The following MARCHF1 variants were observed in gnomAD, a reference collection of about 807,000 sequenced individuals.
MARCHF1 encodes membrane associated ring-CH-type finger 1, also known as E3 ubiquitin-protein ligase MARCHF1.
In MARCHF1, 40 loss-of-function variants were observed where a neutral mutation model predicts 54.2. The ratio of observed to expected loss-of-function variants is 0.74; its 90% CI spans 0.57 to 0.96. The LOEUF (loss-of-function observed/expected upper bound fraction) is 0.96, where lower values mean the gene tolerates loss of function less well. MARCHF1 is among the 40% of genes least tolerant of loss of function. The probability of loss-of-function intolerance (pLI) is 0.00; values close to 1 mark genes in which losing one functional copy is unlikely to be tolerated. For synonymous variants in MARCHF1, 236 were observed against 236.3 expected, an observed-to-expected ratio of 1.00 and a Z score of 0.01; for missense variants, 586 against 656.5, an observed-to-expected ratio of 0.89 and a Z score of 1.17.
At chr4:163,833,418 G>A (rs2111104567) in intron 4 of MARCHF1, among the ~76,000 whole-genome samples, 2 of 152,202 alleles carry the variant, frequency 1.3e-5, no homozygotes, top group Non-Finnish European at 2.9e-5. Context: ...ACCACCATCA[G>A]AGTGAACAGG....
intron 1 of MARCHF1, among the ~76,000 whole-genome samples, chr4:164,257,134 A>G (rs2111260340): frequency 6.6e-6 from 1 of 152,312 alleles, no homozygotes; most frequent in South Asian, 2.1e-4. Flanking sequence ...AATTGGAAAC[A>G]TTAAAATTGA....
chr4:163,892,341 A>T (rs945222767), intron 3 of MARCHF1, among the ~76,000 whole-genome samples: 2 of 152,096 alleles, frequency 1.3e-5, no homozygotes, highest in Non-Finnish European at 2.9e-5. Flanking sequence ...TATTCAGAAC[A>T]TCTAAGAGTG....
At chr4:163,979,167 C>A (rs541077040) in intron 3 of MARCHF1, among the ~76,000 whole-genome samples, 2 of 62,344 alleles carry the variant, frequency 3.2e-5, no homozygotes, top group South Asian at 7.6e-4. Flanking sequence ...GCTATCCCCC[C>A]CCCTCCCCCC....
At chr4:164,331,078 A>C (rs1735422162) in intron 1 of MARCHF1, among the ~76,000 whole-genome samples, 1 of 152,120 alleles carries the variant, frequency 6.6e-6, no homozygotes, top group Non-Finnish European at 1.5e-5. Context: ...TTTTCAAGTA[A>C]TTTCATTAAT....
intron 4 of MARCHF1, among the ~76,000 whole-genome samples, chr4:163,763,329 G>C (rs1430817213): frequency 6.6e-6 from 1 of 152,070 alleles, no homozygotes; most frequent in African/African-American, 2.4e-5. Context: ...AGCTAGGACA[G>C]TCTTGTCTTG....
At chr4:163,976,352 G>A (rs905490303) in intron 3 of MARCHF1, among the ~76,000 whole-genome samples, 1 of 152,162 alleles carries the variant, frequency 6.6e-6, no homozygotes, top group African/African-American at 2.4e-5. Flanking sequence ...CTAGACTTGT[G>A]TTTGATGACA....
At chr4:163,938,850 G>A (rs1315587461) in intron 3 of MARCHF1, among the ~76,000 whole-genome samples, 1 of 152,082 alleles carries the variant, frequency 6.6e-6, no homozygotes, top group Non-Finnish European at 1.5e-5. Context: ...AAAACCATCA[G>A]ATCTGGTGAG....
At chr4:163,734,684 G>A (rs1369075497) in intron 4 of MARCHF1, among the ~76,000 whole-genome samples, 1 of 152,106 alleles carries the variant, frequency 6.6e-6, no homozygotes, top group Non-Finnish European at 1.5e-5. Context: ...GCAGTGGGGA[G>A]GGATAGGGTA....
chr4:164,373,184 T>C (rs1407813423), intron 1 of MARCHF1, among the ~76,000 whole-genome samples: 1 of 152,026 alleles, frequency 6.6e-6, no homozygotes, highest in African/African-American at 2.4e-5. Context: ...GAAACCAACA[T>C]TCTAACACTA....
intron 2 of MARCHF1, among the ~76,000 whole-genome samples, chr4:164,016,140 C>A (rs985879208): frequency 3.3e-5 from 5 of 152,014 alleles, no homozygotes; most frequent in African/African-American, 1.2e-4. Context: ...AAAGAACTTC[C>A]CTGAGACTGG....
intron 3 of MARCHF1, among the ~76,000 whole-genome samples, chr4:163,963,958 C>T (rs189066506): frequency 3.2e-4 from 49 of 151,968 alleles, no homozygotes; most frequent in Non-Finnish European, 6.0e-4. Context: ...TCAGCTGAGC[C>T]CAGTAAACCC....
intron 3 of MARCHF1, among the ~76,000 whole-genome samples, chr4:163,956,014 G>A (rs1380815884): frequency 1.3e-5 from 2 of 151,972 alleles, no homozygotes; most frequent in Non-Finnish European, 2.9e-5. Context: ...GTTAAAAATT[G>A]GTGGAATCCA....
intron 1 of MARCHF1, among the ~76,000 whole-genome samples, chr4:164,128,990 T>C (rs1560917881): frequency 6.6e-6 from 1 of 152,176 alleles, no homozygotes; most frequent in Non-Finnish European, 1.5e-5. Context: ...CTCCCTTCCC[T>C]ACCACCCATA....
At chr4:163,946,497 G>T (rs1752029536) in intron 3 of MARCHF1, among the ~76,000 whole-genome samples, 1 of 151,942 alleles carries the variant, frequency 6.6e-6, no homozygotes, top group Non-Finnish European at 1.5e-5. Flanking sequence ...CACCTGTATG[G>T]ATCAAGGTAA....
intron 3 of MARCHF1, among the ~76,000 whole-genome samples, chr4:163,900,390 T>C (rs1304613935): frequency 6.6e-6 from 1 of 152,078 alleles, no homozygotes; most frequent in African/African-American, 2.4e-5. Context: ...TGAACTTTCT[T>C]GTCTTATAAT....
chr4:163,876,561 C>A (rs1297482190), intron 3 of MARCHF1, among the ~76,000 whole-genome samples: 2 of 151,966 alleles, frequency 1.3e-5, no homozygotes, highest in Non-Finnish European at 2.9e-5. Flanking sequence ...ATTTTCCATA[C>A]AAATAATGCT....
chr4:163,653,631 G>A (rs1315188821), intron 5 of MARCHF1, among the ~76,000 whole-genome samples: 2 of 151,618 alleles, frequency 1.3e-5, no homozygotes, highest in Non-Finnish European at 3.0e-5. Context: ...AACTGATTAT[G>A]GGACAGTTTG....
At position 164,350,893 on chromosome 4, in the gene MARCHF1, C is replaced by T. The variant is rs539496175; in HGVS notation, c.-323+32977G>A. 9.8e-3 allele frequency among the ~76,000 whole-genome samples: 1,491 copies of T among 152,010 alleles called. 10 individuals carry two copies. The highest frequency in any genetic ancestry group is 0.015 in the Non-Finnish European group (1,022 of 67,912). ...GGGAGTGCCAGACAGTGGGCGCAGGCGAGTGGGTGCGTGCACCGGGCGCGA... is the reference window on the plus strand; with the variant it reads ...GGGAGTGCCAGACAGTGGGCGCAGGTGAGTGGGTGCGTGCACCGGGCGCGA... On this transcript the variant is annotated intron_variant, in intron 1 of 9. Coordinates refer to ENST00000514618, the MANE Select transcript of MARCHF1 (RefSeq NM_001394959.1).
At chr4:163,817,588 T>C (rs1161922797) in intron 4 of MARCHF1, among the ~76,000 whole-genome samples, 3 of 152,026 alleles carry the variant, frequency 2.0e-5, no homozygotes, top group African/African-American at 7.2e-5. Flanking sequence ...AAACCACATT[T>C]CACAATCTGT....
Sources: gnomAD v4.1 joint callset for allele counts (sites outside exome capture counted in the v4.1 genomes callset) on GRCh38, gnomAD v4.1.1 for gene constraint, MANE v1.5 for transcripts, NCBI Gene and HGNC (gene_info 2026-07-23, HGNC 2026-07-21) for gene names.